NR3C2: variants seen among roughly 807,000 people sequenced by gnomAD.
The protein encoded by NR3C2 is nuclear receptor subfamily 3 group C member 2.
NR3C2 carries 15 observed loss-of-function variants against 86.4 expected under a neutral mutation model. The observed-to-expected ratio is 0.17, with a 90% confidence interval of 0.12 to 0.27. The LOEUF (loss-of-function observed/expected upper bound fraction) is 0.27. Ranked by LOEUF, NR3C2 falls within the 10% of genes least tolerant of loss-of-function variation. The pLI is 1.00. For missense variants in NR3C2, 960 were observed against 1,195.6 expected, an observed-to-expected ratio of 0.80 and a Z score of 2.91; for synonymous variants, 458 against 450.5, an observed-to-expected ratio of 1.02 and a Z score of -0.21.
chr4:148,338,909 T>C (rs6858581), intron 2 of NR3C2, among the ~76,000 whole-genome samples: 9,465 of 152,204 alleles, frequency 0.062, 399 homozygotes, highest in African/African-American at 0.13. Flanking sequence ...ACAAAATAAG[T>C]GTTTCCAAAC....
chr4:148,189,208 C>T (rs1196353120), intron 4 of NR3C2, among the ~76,000 whole-genome samples: 2 of 152,142 alleles, frequency 1.3e-5, no homozygotes, highest in Non-Finnish European at 2.9e-5. Context: ...GCATTACAGG[C>T]ATGAGCCAGT....
chr4:148,098,712 T>C (rs1460822908), intron 8 of NR3C2, among the ~76,000 whole-genome samples: 2 of 152,238 alleles, frequency 1.3e-5, no homozygotes, highest in Admixed American at 6.5e-5. Flanking sequence ...AATCTGAGAA[T>C]GATGAGTATT....
chr4:148,400,179 T>C (rs1002782765), intron 2 of NR3C2, among the ~76,000 whole-genome samples: 1 of 152,240 alleles, frequency 6.6e-6, no homozygotes, highest in African/African-American at 2.4e-5. Flanking sequence ...AGGTCTACTG[T>C]TTTCACATTC....
chr4:148,335,656 T>G lies in NR3C2; in HGVS notation c.1758-75539A>C, dbSNP rs182148057. 7.9e-5 allele frequency among the ~76,000 whole-genome samples: 12 copies of G among 152,236 alleles called. No homozygotes were observed. In the East Asian group the frequency reaches 2.1e-3, roughly 27 times the overall value. ...TAAAAATTTGAAAAAGAAAATGATTTGACAGGCTGCCCTCCTCACTACACA... is the reference window on the plus strand; with the variant it reads ...TAAAAATTTGAAAAAGAAAATGATTGGACAGGCTGCCCTCCTCACTACACA... On this transcript the variant is annotated intron_variant, in intron 2 of 8. Transcript: ENST00000358102.
At chr4:148,087,569 T>G (rs1345787215) in intron 8 of NR3C2, among the ~76,000 whole-genome samples, 2 of 152,018 alleles carry the variant, frequency 1.3e-5, no homozygotes, top group Non-Finnish European at 2.9e-5. Context: ...ATGCCACACA[T>G]CTACAACCAT....
At chr4:148,136,274 A>T (rs1560940239) in intron 6 of NR3C2, among the ~76,000 whole-genome samples, 2 of 151,908 alleles carry the variant, frequency 1.3e-5, no homozygotes, top group Admixed American at 1.3e-4. Context: ...GAAGGGCTAT[A>T]GAGCAAAAGG....
At position 148,259,971 on chromosome 4, in the gene NR3C2, C is replaced by T; in HGVS notation, c.1897+7G>A. 1 of 1,614,066 alleles carries T rather than the reference C, an allele frequency of 6.2e-7. No homozygotes were observed. Among genetic ancestry groups the T allele is most frequent in the Non-Finnish European group, 8.5e-7 (1 of 1,179,964 alleles). On this transcript the variant is annotated splice_region_variant and intron_variant, in intron 3 of 8. Coordinates refer to ENST00000358102, the MANE Select transcript of NR3C2 (RefSeq NM_000901.5). Reference sequence around the variant, plus strand: ...TATGTAAAAGGAACACCCACATGAACATTTACCTTCCACTGCTCTTTTGAA... The same window carrying T: ...TATGTAAAAGGAACACCCACATGAATATTTACCTTCCACTGCTCTTTTGAA...
chr4:148,198,670 A>T (rs1259636618), intron 3 of NR3C2, among the ~76,000 whole-genome samples: 2 of 152,100 alleles, frequency 1.3e-5, no homozygotes, highest in African/African-American at 4.8e-5. Flanking sequence ...ATATACACAT[A>T]AAGCAAGAAG....
intron 2 of NR3C2, among the ~76,000 whole-genome samples, chr4:148,264,639 AT>A (rs2042189508): frequency 6.6e-6 from 1 of 152,190 alleles, no homozygotes; most frequent in Non-Finnish European, 1.5e-5. Context: ...TCTCTGGGCC[AT>A]AATTCTCAGC....
intron 8 of NR3C2, among the ~76,000 whole-genome samples, chr4:148,102,480 G>C (rs2149718035): frequency 6.6e-6 from 1 of 152,116 alleles, no homozygotes; most frequent in African/African-American, 2.4e-5. Context: ...CCCTCCTCTG[G>C]GCAGGTGCTA....
At chr4:148,311,141 T>A (rs530400143) in intron 2 of NR3C2, among the ~76,000 whole-genome samples, 1 of 152,192 alleles carries the variant, frequency 6.6e-6, no homozygotes, top group Non-Finnish European at 1.5e-5. Context: ...TTTTGCCAAC[T>A]CCTCCTTATC....
chr4:148,410,854 T>C (rs1182315573), intron 2 of NR3C2, among the ~76,000 whole-genome samples: 2 of 152,110 alleles, frequency 1.3e-5, no homozygotes, highest in African/African-American at 4.8e-5. Flanking sequence ...CACACATCAT[T>C]TGGCCAGGAG....
At chr4:148,112,356 C>T (rs185439114) in intron 8 of NR3C2, among the ~76,000 whole-genome samples, 17 of 152,300 alleles carry the variant, frequency 1.1e-4, no homozygotes, top group Admixed American at 9.8e-4. Context: ...AGAGAACTTA[C>T]GAAAGAACCA....
chr4:148,282,460 C>A (rs1741297457), intron 2 of NR3C2, among the ~76,000 whole-genome samples: 2 of 152,110 alleles, frequency 1.3e-5, no homozygotes, highest in African/African-American at 4.8e-5. Flanking sequence ...ATCCTACAGG[C>A]CAGCCTAATA....
intron 2 of NR3C2, among the ~76,000 whole-genome samples, chr4:148,265,032 G>A (rs1243552449): frequency 6.6e-6 from 1 of 152,008 alleles, no homozygotes; most frequent in Non-Finnish European, 1.5e-5. Context: ...TCATTTTGGG[G>A]GTTAATAATC....
chr4:148,213,767 C>T (rs2149819151), intron 3 of NR3C2, among the ~76,000 whole-genome samples: 1 of 152,280 alleles, frequency 6.6e-6, no homozygotes, highest in East Asian at 1.9e-4. Context: ...GCTTTGTAAT[C>T]TGATTCTGTT....
intron 2 of NR3C2, among the ~76,000 whole-genome samples, chr4:148,298,060 T>C (rs1316038376): frequency 1.3e-5 from 2 of 152,190 alleles, no homozygotes; most frequent in African/African-American, 4.8e-5. Flanking sequence ...TAAACACATA[T>C]CTGCCTCATG....
intron 3 of NR3C2, among the ~76,000 whole-genome samples, chr4:148,195,121 T>G (rs1282194396): frequency 6.6e-6 from 1 of 152,244 alleles, no homozygotes; most frequent in Non-Finnish European, 1.5e-5. Context: ...CTCCATTATT[T>G]GAATTTTTTG....
chr4:148,424,793 G>A (rs1579283038), intron 2 of NR3C2, among the ~76,000 whole-genome samples: 1 of 152,006 alleles, frequency 6.6e-6, no homozygotes, highest in Non-Finnish European at 1.5e-5. Context: ...TTGACCAAGA[G>A]AATTTTAGTG....
Sources: gnomAD v4.1 joint callset for allele counts (sites outside exome capture counted in the v4.1 genomes callset) on GRCh38, gnomAD v4.1.1 for gene constraint, MANE v1.5 for transcripts, NCBI Gene and HGNC (gene_info 2026-07-23, HGNC 2026-07-21) for gene names.